PRDM5: variants seen among roughly 807,000 people sequenced by gnomAD.
PRDM5 encodes PR/SET domain 5.
A neutral mutation model predicts 81.2 loss-of-function variants in PRDM5; 56 were observed. The observed-to-expected ratio is 0.69, with a 90% CI of 0.56 to 0.86. The LOEUF (loss-of-function observed/expected upper bound fraction) is 0.86. Among genes scored for constraint, PRDM5 ranks in the 40% least tolerant of loss-of-function variants. The probability of loss-of-function intolerance (pLI) is 0.00; values close to 1 mark genes in which losing one functional copy is unlikely to be tolerated. For synonymous variants in PRDM5, 267 were observed against 256.4 expected (o/e 1.04, Z -0.39); for missense variants, 697 against 770.1 (o/e 0.91, Z 1.12).
At chr4:120,761,908 T>A (rs1005575324) in intron 13 of PRDM5, among the ~76,000 whole-genome samples, 2 of 152,074 alleles carry the variant, frequency 1.3e-5, no homozygotes, top group Non-Finnish European at 2.9e-5. Flanking sequence ...GATTAAAAAA[T>A]GCAAAATTTT....
intron 14 of PRDM5, chr4:120,731,782 C>T (rs1270205780): frequency 6.6e-6 from 1 of 152,172 alleles, no homozygotes; most frequent in Admixed American, 6.5e-5. Context: ...TCTTGAGTCA[C>T]ACTGGAACCT....
intron 1 of PRDM5, among the ~76,000 whole-genome samples, chr4:120,686,414 A>G (rs1733835322): frequency 6.6e-6 from 1 of 152,096 alleles, no homozygotes; most frequent in Non-Finnish European, 1.5e-5. Context: ...TTGTTAAAGT[A>G]TTTCCTCAGT....
In PRDM5 at chr4:120,758,759, C is replaced by CT. The variant is rs770892664; in HGVS notation, c.1538-4122dup. ...CTAACAAATTAACAGTCATCCTACT[C>CT]TTTTTTTTTTTTTTGAGATGGAGTC... On this transcript the variant is annotated intron_variant, in intron 13 of 15. Coordinates refer to ENST00000264808, the MANE Select transcript of PRDM5 (RefSeq NM_018699.4). Among the ~76,000 whole-genome samples, 448 of 143,764 alleles carry CT rather than the reference C, an allele frequency of 3.1e-3. 2 individuals carry two copies. Among genetic ancestry groups the CT allele is most frequent in the East Asian group, 0.018 (87 of 4,932 alleles). 94.3% of individuals were successfully genotyped at this position (143,764 alleles called of 152,430 possible).
chr4:120,789,227 A>T (rs2149259686), intron 10 of PRDM5, among the ~76,000 whole-genome samples: 1 of 152,312 alleles, frequency 6.6e-6, no homozygotes. Context: ...AAAAATACAT[A>T]AAATCTGTTG....
chr4:120,772,667 C>T lies in PRDM5; in HGVS notation c.1537+4521G>A, dbSNP rs73845497. ...TCAGCCGGGCTCTTATTTACATGAG[C>T]CAACACATATTTCACATGAATTGCT... is the stretch of plus-strand genomic sequence containing the variant. On this transcript the variant is annotated intron_variant, in intron 13 of 15. Transcript: ENST00000264808. Among the ~76,000 whole-genome samples the T allele has an allele frequency of 8.7e-3, 1,326 of 152,236 alleles. 22 individuals carry two copies. The highest frequency in any genetic ancestry group is 0.03 in the African/African-American group (1,254 of 41,524).
intron 3 of PRDM5, among the ~76,000 whole-genome samples, chr4:120,828,971 A>G (rs972751275): frequency 4.6e-5 from 7 of 152,046 alleles, no homozygotes; most frequent in African/African-American, 1.7e-4. Flanking sequence ...GCTAGACTCA[A>G]TCACAAGTGA....
chr4:120,730,054 T>C (rs1011787331), intron 14 of PRDM5, among the ~76,000 whole-genome samples: 2 of 152,214 alleles, frequency 1.3e-5, no homozygotes, highest in African/African-American at 2.4e-5. Context: ...ACATAATACT[T>C]TAGAACATCT....
intron 14 of PRDM5, among the ~76,000 whole-genome samples, chr4:120,726,374 A>C (rs1232437321): frequency 1.3e-5 from 2 of 152,208 alleles, no homozygotes; most frequent in Non-Finnish European, 2.9e-5. Flanking sequence ...GTGCTGAATC[A>C]TTCCTTTGCA....
chr4:120,765,819 T>C (rs1378460929), intron 13 of PRDM5, among the ~76,000 whole-genome samples: 2 of 152,142 alleles, frequency 1.3e-5, no homozygotes, highest in African/African-American at 4.8e-5. Context: ...TGTGACTAAA[T>C]ACAGAAACAA....
At chr4:120,697,930 ATC>A (rs779391853) in intron 15 of PRDM5, among the ~76,000 whole-genome samples, 52 of 148,368 alleles carry the variant, frequency 3.5e-4, no homozygotes, top group Non-Finnish European at 7.0e-4. Context: ...AATTATAACT[ATC>A]TGTATTAATA....
intron 14 of PRDM5, among the ~76,000 whole-genome samples, chr4:120,713,562 T>C (rs1176614433): frequency 6.6e-6 from 1 of 152,256 alleles, no homozygotes; most frequent in Non-Finnish European, 1.5e-5. Flanking sequence ...TTTCCCCTGG[T>C]ACTACTTTAA....
At chr4:120,793,548 G>A (rs1258303623) in intron 10 of PRDM5, among the ~76,000 whole-genome samples, 1 of 152,192 alleles carries the variant, frequency 6.6e-6, no homozygotes, top group Non-Finnish European at 1.5e-5. Context: ...GAAAGCTGGG[G>A]ACCACTGTAG....
intron 14 of PRDM5, among the ~76,000 whole-genome samples, chr4:120,717,717 C>T (rs535182380): frequency 5.9e-5 from 9 of 152,156 alleles, no homozygotes; most frequent in Admixed American, 1.3e-4. Flanking sequence ...GGGTCAACCT[C>T]GGATCCCTGG....
rs112321708 is a variant in PRDM5, at chr4:120,793,339, T to C, written c.1188+4928A>G. Among the ~76,000 whole-genome samples the C allele has an allele frequency of 4.4e-3, 665 of 152,256 alleles. 2 individuals carry two copies. Among genetic ancestry groups the C allele is most frequent in the African/African-American group, 0.015 (625 of 41,554 alleles). On this transcript the variant is annotated intron_variant, in intron 10 of 15. Coordinates refer to ENST00000264808, the MANE Select transcript of PRDM5 (RefSeq NM_018699.4). The stretch of plus-strand genomic sequence containing the variant: ...ACCCCTAGATGGGACCATCTAGTTG[T>C]AGGAAAACAAGCTGAGGGCTCCCAC...
chr4:120,771,474 T>C (rs763096811), intron 13 of PRDM5, among the ~76,000 whole-genome samples: 3 of 152,140 alleles, frequency 2.0e-5, no homozygotes, highest in South Asian at 4.1e-4. Flanking sequence ...AAAGAATGCT[T>C]AGCCTTCTTT....
chr4:120,744,424 T>C (rs1742640315), intron 14 of PRDM5, among the ~76,000 whole-genome samples: 3 of 151,534 alleles, frequency 2.0e-5, no homozygotes. Context: ...AACAAATAAC[T>C]AAAATCAGAG....
At chr4:120,686,052 C>G (rs528907396) in intron 1 of PRDM5, among the ~76,000 whole-genome samples, 4 of 152,102 alleles carry the variant, frequency 2.6e-5, no homozygotes, top group African/African-American at 7.2e-5. Flanking sequence ...CCACCCACCC[C>G]ACTTCTCTCT....
chr4:120,761,950 T>C (rs1377225988), intron 13 of PRDM5, among the ~76,000 whole-genome samples: 1 of 152,150 alleles, frequency 6.6e-6, no homozygotes, highest in Non-Finnish European at 1.5e-5. Flanking sequence ...ATGTATATAT[T>C]ACCACAATTT....
Position 120,695,209 on chromosome 4 carries a change from G to C in PRDM5, c.1795C>G (p.Arg599Gly), listed in dbSNP as rs1451159185. ...CAAAACTGGCATTCTGCCAGGGGAC[G>C]ATTGGGATTATGAGTCATCTTGTGT... ...IRHKMTHNPNRPLAECQFCHK... is the reference protein window; with the variant it reads ...IRHKMTHNPNGPLAECQFCHK... Residue 599 changes from arginine to glycine, a missense_variant, in exon 16 of 16, where the codon CGT (arginine) becomes GGT (glycine). Arg to Gly is a moderately radical substitution (Grantham distance 125, BLOSUM62 -2). Around this residue, in one of 3 missense-constraint regions of PRDM5, gnomAD observed 86 missense variants for 135.2 expected, o/e 0.64. Transcript: ENST00000264808. The C allele has an allele frequency of 6.2e-7, 1 of 1,613,464 alleles. No homozygotes were observed. The highest frequency in any genetic ancestry group is 8.5e-7 in the Non-Finnish European group (1 of 1,179,678).
Sources: allele counts gnomAD v4.1 joint callset (sites outside exome capture counted in the v4.1 genomes callset), GRCh38; gene constraint gnomAD v4.1.1; regional missense constraint gnomAD v4.1.1; transcripts MANE v1.5; gene names NCBI Gene and HGNC (gene_info 2026-07-23, HGNC 2026-07-21).